The following CEP85L variants were observed in gnomAD, a reference collection of about 807,000 sequenced individuals.
CEP85L encodes centrosomal protein 85L.
A neutral mutation model predicts 100.3 loss-of-function variants in CEP85L; 60 were observed. The observed-to-expected ratio is 0.60, with a 90% CI of 0.49 to 0.74. CEP85L has a LOEUF of 0.74. Among genes scored for constraint, CEP85L ranks in the 30% least tolerant of loss-of-function variants. CEP85L has a pLI of 0.00. For missense variants in CEP85L, 973 were observed against 936.2 expected, an observed-to-expected ratio of 1.04 and a Z score of -0.51; for synonymous variants, 319 against 322.7, an observed-to-expected ratio of 0.99 and a Z score of 0.12.
chr6:118,612,679 G>GGGGC (rs1369508956), intron 2 of CEP85L, among the ~76,000 whole-genome samples: 1 of 2,788 alleles, frequency 3.6e-4, no homozygotes, highest in Admixed American at 1.7e-3. Context: ...AAAAAAGCGG[G>GGGGC]GGGGGGGGGG....
At chr6:118,470,353 T>C (rs1372806578) in intron 11 of CEP85L, among the ~76,000 whole-genome samples, 184 bp downstream of exon 11, 4 of 152,088 alleles carry the variant, frequency 2.6e-5, no homozygotes, top group Non-Finnish European at 5.9e-5. Context: ...TGAAACTGTA[T>C]TCTAAAACAC....
intron 1 of CEP85L, among the ~76,000 whole-genome samples, chr6:118,637,416 G>C (rs1774564520): frequency 6.6e-6 from 1 of 151,926 alleles, no homozygotes; most frequent in African/African-American, 2.4e-5. Flanking sequence ...TTGTTGTCTA[G>C]GCCGGGCAAG....
At chr6:118,663,896 T>C (rs1776050107) in intron 1 of CEP85L, among the ~76,000 whole-genome samples, 1 of 151,948 alleles carries the variant, frequency 6.6e-6, no homozygotes, top group African/African-American at 2.4e-5. Context: ...ATTGTTGTAC[T>C]ATTATTTTTT....
chr6:118,602,949 T>A (rs1294203824), intron 2 of CEP85L, among the ~76,000 whole-genome samples: 1 of 151,982 alleles, frequency 6.6e-6, no homozygotes, highest in East Asian at 1.9e-4. Flanking sequence ...ACCTTCTGAG[T>A]AGCTGGGATT....
Position 118,566,125 on chromosome 6 carries a change from C to A in CEP85L, c.424G>T (p.Asp142Tyr). Residue 142 changes from aspartate (D) to tyrosine (Y), a missense_variant, in exon 3 of 13, where the codon GAC becomes TAC. By Grantham distance (160) the Asp-to-Tyr change is radical (BLOSUM62 -3). This residue lies in a region of CEP85L where 890 missense variants were observed against 844.5 expected (regional missense o/e 1.05). Coordinates refer to ENST00000368491, the MANE Select transcript of CEP85L (RefSeq NM_001042475.3). The stretch of plus-strand genomic sequence containing the variant: ...AAGTCCTTCATGTCTAGGGAAGAGT[C>A]CTGCTCCCCCCTACTGTGGTTTCCC... ...TLGNHSRGEQ[D>Y]SSLDMKDFRP... 1 of 1,614,106 alleles carries A rather than the reference C, an allele frequency of 6.2e-7. No individual in the cohort carries two copies. The highest frequency in any genetic ancestry group is 1.1e-5 in the South Asian group (1 of 91,074).
At position 118,651,304 on chromosome 6, in the gene CEP85L, C is replaced by T; in HGVS notation, c.-35G>A. 2 of 1,454,772 alleles carry T rather than the reference C, an allele frequency of 1.4e-6. No individual in the cohort carries two copies. Among genetic ancestry groups the T allele is most frequent in the East Asian group, 2.9e-5 (1 of 34,042 alleles). The allele number at this position is 1,454,772 out of a possible 1,614,324, so 90.1% of individuals were successfully genotyped here. A position where few individuals can be genotyped will look rare whatever the true frequency, so the allele number is the denominator to read the frequency against. The stretch of plus-strand genomic sequence containing the variant: ...GAGGGCCGGGTGGGCCAGGGACGCC[C>T]GACTCCTCACGTCCGTCCTCCTGCT... On this transcript the variant is annotated 5_prime_UTR_variant, in exon 1 of 13. Transcript: ENST00000368491.
At chr6:118,643,683 G>GA (rs201371277) in intron 1 of CEP85L, among the ~76,000 whole-genome samples, 1,861 of 151,700 alleles carry the variant, frequency 0.012, 32 homozygotes, top group African/African-American at 0.043. Context: ...TACAGCAGGA[G>GA]AAAAAAAACA....
chr6:118,673,678 T>C (rs1776386950), intron 1 of CEP85L, among the ~76,000 whole-genome samples: 1 of 152,198 alleles, frequency 6.6e-6, no homozygotes, highest in African/African-American at 2.4e-5. Flanking sequence ...CTTTCTCCCA[T>C]TGACTGTATC....
chr6:118,467,813 T>C (rs184398604), intron 12 of CEP85L, among the ~76,000 whole-genome samples: 1 of 152,190 alleles, frequency 6.6e-6, no homozygotes, highest in Admixed American at 6.5e-5. Flanking sequence ...ACTTCTCCTC[T>C]TCCTCGTCTG....
chr6:118,465,365 TTAAACAACAGGTCATTATTGCTGTGGGAC>T lies in CEP85L; in HGVS notation c.*11_*39del, dbSNP rs768488162. 10 of 1,592,092 alleles carry T rather than the reference TTAAACAACAGGTCATTATTGCTGTGGGAC, an allele frequency of 6.3e-6. No homozygotes were observed. In the African/African-American group the frequency reaches 1.2e-4, roughly 19 times the overall value. ...TTATGGCTCCATAACACAGCAGCATTTAAACAACAGGTCATTATTGCTGTGGGACTAACACTTGATCACTGAGTAATGCA... is the reference window on the plus strand; with the variant it reads ...TTATGGCTCCATAACACAGCAGCATTTAACACTTGATCACTGAGTAATGCA... On this transcript the variant is annotated 3_prime_UTR_variant, in exon 13 of 13. Transcript: ENST00000368491.
rs79046324 is a variant in CEP85L at position 118,615,622 on chromosome 6, G to A, written c.232+16831C>T. Among the ~76,000 whole-genome samples, 562 of 152,250 alleles carry A rather than the reference G, an allele frequency of 3.7e-3. 3 individuals are homozygous for A. Among genetic ancestry groups the A allele is most frequent in the African/African-American group, 0.013 (536 of 41,554 alleles). Reference sequence around the variant, plus strand: ...TAAGAAAGTCTTTCTTTACCTGGGGGTTTTAGGCCACTCCATATAGTCTAT... The same window carrying A: ...TAAGAAAGTCTTTCTTTACCTGGGGATTTTAGGCCACTCCATATAGTCTAT... On this transcript the variant is annotated intron_variant, in intron 2 of 12. Transcript: ENST00000368491.
intron 1 of CEP85L, among the ~76,000 whole-genome samples, chr6:118,676,052 T>G (rs1049339629): frequency 1.3e-5 from 2 of 152,214 alleles, no homozygotes; most frequent in African/African-American, 4.8e-5. Flanking sequence ...ACTATTGTTA[T>G]TGTCGTTATT....
intron 3 of CEP85L, among the ~76,000 whole-genome samples, chr6:118,548,571 G>C (rs2114916391): frequency 6.6e-6 from 1 of 152,056 alleles, no homozygotes; most frequent in Admixed American, 6.6e-5. Flanking sequence ...TTTAGTGACA[G>C]GAAAAATGAG....
intron 3 of CEP85L, among the ~76,000 whole-genome samples, chr6:118,538,776 T>C (rs539404033): frequency 1.3e-5 from 2 of 152,134 alleles, no homozygotes. Flanking sequence ...TCATGGACTT[T>C]ACTTATAAAA....
intron 2 of CEP85L, among the ~76,000 whole-genome samples, chr6:118,610,134 A>AT (rs765028016): frequency 2.6e-5 from 4 of 152,142 alleles, no homozygotes; most frequent in African/African-American, 7.2e-5. Context: ...CAATTTAGAG[A>AT]TTTTTTTAAA....
rs545008697 is a variant in CEP85L, at chr6:118,463,332, G to A, written c.*2073C>T. 1 of 151,896 alleles carries A rather than the reference G, an allele frequency of 6.6e-6. No homozygotes were observed. Among genetic ancestry groups the A allele is most frequent in the South Asian group, 2.1e-4 (1 of 4,818 alleles). 9.4% of individuals were successfully genotyped at this position (151,896 alleles called of 1,614,324 possible). A position where few individuals can be genotyped will look rare whatever the true frequency, so the allele number is the denominator to read the frequency against. On this transcript the variant is annotated 3_prime_UTR_variant, in exon 13 of 13. Transcript: ENST00000368491. ...AGAGATATTTAAGTAAGAACCTACTGGTCCAATTAGTGATTGTTTGCCAAT... is the reference window on the plus strand; with the variant it reads ...AGAGATATTTAAGTAAGAACCTACTAGTCCAATTAGTGATTGTTTGCCAAT...
At chr6:118,470,918 A>G (rs1171163451) in intron 10 of CEP85L, among the ~76,000 whole-genome samples, 1 of 152,120 alleles carries the variant, frequency 6.6e-6, no homozygotes, top group Non-Finnish European at 1.5e-5. Context: ...TTTGTATAAA[A>G]CATGTCAAAT....
At chr6:118,490,758 G>A (rs1774501063) in intron 6 of CEP85L, among the ~76,000 whole-genome samples, 1 of 152,046 alleles carries the variant, frequency 6.6e-6, no homozygotes, top group Non-Finnish European at 1.5e-5. Context: ...ACACTACTCA[G>A]CAATAGATAG....
At position 118,537,972 on chromosome 6, in the gene CEP85L, C is replaced by T. The variant is rs866727781; in HGVS notation, c.1021-14052G>A. The T allele has an allele frequency of 3.8e-5, 32 of 851,050 alleles. No homozygotes were observed. In the African/African-American group the frequency reaches 5.9e-4, roughly 16 times the overall value. The allele number at this position is 851,050 out of a possible 1,614,324, so 52.7% of individuals were successfully genotyped here. ...CTAAAAAGTAAATAAATTCACAAAGCTCAGTAATGAAGATGAAAATAATAC... is the reference window on the plus strand; with the variant it reads ...CTAAAAAGTAAATAAATTCACAAAGTTCAGTAATGAAGATGAAAATAATAC... On this transcript the variant is annotated intron_variant, in intron 3 of 12. Coordinates refer to ENST00000368491, the MANE Select transcript of CEP85L (RefSeq NM_001042475.3).
Sources: allele counts gnomAD v4.1 joint callset (sites outside exome capture counted in the v4.1 genomes callset), GRCh38; gene constraint gnomAD v4.1.1; regional missense constraint gnomAD v4.1.1; transcripts MANE v1.5; gene names NCBI Gene and HGNC (gene_info 2026-07-23, HGNC 2026-07-21).